The following RAP1GAP2 variants were observed in gnomAD, a reference collection of about 807,000 sequenced individuals.
RAP1GAP2 encodes RAP1 GTPase activating protein 2, also known as rap1 GTPase-activating protein 2.
RAP1GAP2 carries 27 observed loss-of-function variants against 95.0 expected under a neutral mutation model. The ratio of observed to expected loss-of-function variants is 0.28; its 90% CI spans 0.21 to 0.39. The LOEUF is 0.39. Among genes scored for constraint, RAP1GAP2 ranks in the 10% least tolerant of loss-of-function variants. RAP1GAP2 has a pLI of 1.00. For synonymous variants in RAP1GAP2, 373 were observed against 380.9 expected, an observed-to-expected ratio of 0.98 and a Z score of 0.24; for missense variants, 771 against 970.0, an observed-to-expected ratio of 0.79 and a Z score of 2.72.
Position 2,890,756 on chromosome 17 carries a change from C to T in RAP1GAP2, c.81-14528C>T, listed in dbSNP as rs1022191085. Among the ~76,000 whole-genome samples the T allele has an allele frequency of 2.0e-5, 3 of 150,408 alleles. No homozygotes were observed. The Admixed American group carries it at 2.0e-4, about 10-fold the overall frequency. On this transcript the variant is annotated intron_variant, in intron 2 of 24. Coordinates refer to ENST00000254695, the MANE Select transcript of RAP1GAP2 (RefSeq NM_015085.5). Reference sequence around the variant, plus strand: ...CTGGAGTGCAGTGGCGCAATCTTGGCTCACTGCAAGCTCCGCCTCCTGGGT... The same window carrying T: ...CTGGAGTGCAGTGGCGCAATCTTGGTTCACTGCAAGCTCCGCCTCCTGGGT...
At chr17:2,832,346 C>T (rs2070903267) in intron 2 of RAP1GAP2, among the ~76,000 whole-genome samples, 1 of 151,004 alleles carries the variant, frequency 6.6e-6, no homozygotes, top group South Asian at 2.1e-4. Context: ...ATCACGAGGT[C>T]AGGAGATCGA....
chr17:2,789,754 C>T (rs1302203251), intron 1 of RAP1GAP2, among the ~76,000 whole-genome samples: 1 of 124,424 alleles, frequency 8.0e-6, no homozygotes, highest in Non-Finnish European at 1.6e-5. Flanking sequence ...TGCACTCCAG[C>T]TTGGGCGACA....
intron 3 of RAP1GAP2, among the ~76,000 whole-genome samples, chr17:2,930,526 G>A (rs946731753): frequency 2.6e-5 from 4 of 152,234 alleles, no homozygotes; most frequent in South Asian, 2.1e-4. Context: ...AGGCTCATCC[G>A]GAGTTTCAGT....
chr17:2,879,385 G>A (rs184619793), intron 2 of RAP1GAP2, among the ~76,000 whole-genome samples: 2 of 152,052 alleles, frequency 1.3e-5, no homozygotes, highest in East Asian at 3.9e-4. Flanking sequence ...CCAAGTGTTG[G>A]GATTACAGGC....
At chr17:2,780,960 G>A (rs1273417963) in intron 1 of RAP1GAP2, among the ~76,000 whole-genome samples, 1 of 152,138 alleles carries the variant, frequency 6.6e-6, no homozygotes, top group Non-Finnish European at 1.5e-5. Context: ...TTGTGTTTCT[G>A]ATTTTCTATT....
At chr17:2,801,291 A>T (rs1229420798) in intron 2 of RAP1GAP2, among the ~76,000 whole-genome samples, 1 of 150,952 alleles carries the variant, frequency 6.6e-6, no homozygotes, top group African/African-American at 2.4e-5. Flanking sequence ...CCTGGCCAAC[A>T]TGGTGAAACC....
Position 2,828,078 on chromosome 17 carries a change from C to T in RAP1GAP2, c.80+27528C>T, listed in dbSNP as rs112727429. On this transcript the variant is annotated intron_variant, in intron 2 of 24. Coordinates refer to ENST00000254695, the MANE Select transcript of RAP1GAP2 (RefSeq NM_015085.5). ...ATCCTGGGCCGGGTGCGGTGGCTCA[C>T]GCCTGTCATCCCAACACTTTGGGAG... is the stretch of plus-strand genomic sequence containing the variant. 3.2e-3 allele frequency among the ~76,000 whole-genome samples: 483 copies of T among 152,074 alleles called. 3 individuals are homozygous for T. Among genetic ancestry groups the T allele is most frequent in the Middle Eastern group, 0.017 (5 of 292 alleles).
chr17:2,979,460 GTTTTTTTTTTTTT>G (rs71153320), intron 8 of RAP1GAP2, among the ~76,000 whole-genome samples: 1 of 78,608 alleles, frequency 1.3e-5, no homozygotes, highest in Non-Finnish European at 2.3e-5. Context: ...GGCGTGTTCT[GTTTTTTTTTTTTT>G]TTTTTTTTTT....
Position 3,004,640 on chromosome 17 carries a change from A to G in RAP1GAP2, c.1201-729A>G, listed in dbSNP as rs1350970006. ...GTCACTCTAAAGCTCAGTCTCACTC[A>G]GGGTGCCAGAGGTGCGCGCCCCACC... is the stretch of plus-strand genomic sequence containing the variant. On this transcript the variant is annotated intron_variant, in intron 14 of 24. Transcript: ENST00000254695. This position sits in a 1 kb window ranked among gnomAD's most constrained non-coding sequence, Gnocchi z 4.1. 7.2e-5 allele frequency among the ~76,000 whole-genome samples: 11 copies of G among 152,352 alleles called. No individual in the cohort carries two copies. Among genetic ancestry groups the G allele is most frequent in the Admixed American group, 6.5e-4 (10 of 15,312 alleles).
chr17:2,967,472 G>C (rs1392982633), intron 8 of RAP1GAP2, among the ~76,000 whole-genome samples: 1 of 152,190 alleles, frequency 6.6e-6, no homozygotes, highest in Non-Finnish European at 1.5e-5. Flanking sequence ...GTCCTCTTTA[G>C]GAGTGAGAGT....
rs893532085 is a variant in RAP1GAP2 at position 3,036,933 on chromosome 17, T to G, written c.*3572T>G. ...TTAAGCAGTTGGGGGTTCGAGTAGA[T>G]CTCATGGGTACAGGAGGCCAGCAGG... is the stretch of plus-strand genomic sequence containing the variant. On this transcript the variant is annotated 3_prime_UTR_variant, in exon 25 of 25. Coordinates refer to ENST00000254695, the MANE Select transcript of RAP1GAP2 (RefSeq NM_015085.5). The G allele has an allele frequency of 1.3e-5, 2 of 152,590 alleles. No individual in the cohort carries two copies. The highest frequency in any genetic ancestry group is 2.9e-5 in the Non-Finnish European group (2 of 68,136). 9.5% of individuals were successfully genotyped at this position (152,590 alleles called of 1,614,324 possible).
intron 8 of RAP1GAP2, among the ~76,000 whole-genome samples, chr17:2,978,335 G>A (rs931096371): frequency 6.6e-6 from 1 of 152,140 alleles, no homozygotes; most frequent in Admixed American, 6.6e-5. Flanking sequence ...ATAAGGATGA[G>A]GGTGGCTTGA....
chr17:2,954,101 T>C (rs938318722), intron 3 of RAP1GAP2, among the ~76,000 whole-genome samples: 1 of 152,154 alleles, frequency 6.6e-6, no homozygotes, highest in African/African-American at 2.4e-5. Context: ...TCTCTGACTT[T>C]TGTCTTTTTT....
intron 2 of RAP1GAP2, among the ~76,000 whole-genome samples, chr17:2,842,478 C>T (rs985293550): frequency 5.4e-5 from 8 of 147,496 alleles, no homozygotes; most frequent in South Asian, 2.1e-4. Flanking sequence ...TGCAGTGAGC[C>T]GAGATCGCGC....
At chr17:2,875,408 G>C (rs116542911) in intron 2 of RAP1GAP2, among the ~76,000 whole-genome samples, 301 of 152,272 alleles carry the variant, frequency 2.0e-3, no homozygotes, top group Middle Eastern at 0.014. Context: ...GGAGTGGGGT[G>C]ATATGAAGTT....
At chr17:2,776,483 C>T (rs2068501561), upstream of RAP1GAP2, among the ~76,000 whole-genome samples, 1 of 152,072 alleles carries the variant, frequency 6.6e-6, no homozygotes, top group Non-Finnish European at 1.5e-5. Context: ...GGAGGAGCCG[C>T]CTTGGGCAGC....
At chr17:2,890,664 C>T (rs2073678282) in intron 2 of RAP1GAP2, among the ~76,000 whole-genome samples, 1 of 151,038 alleles carries the variant, frequency 6.6e-6, no homozygotes, top group Non-Finnish European at 1.5e-5. Flanking sequence ...GTTTTTGGTC[C>T]AATTCAATGG....
intron 2 of RAP1GAP2, among the ~76,000 whole-genome samples, chr17:2,820,996 A>G (rs2070279826): frequency 6.6e-6 from 1 of 151,044 alleles, no homozygotes; most frequent in African/African-American, 2.4e-5. Context: ...CGGCCTCCCA[A>G]AGTGCTGGGA....
intron 2 of RAP1GAP2, among the ~76,000 whole-genome samples, chr17:2,836,118 G>A (rs937169167): frequency 2.0e-5 from 3 of 152,134 alleles, no homozygotes; most frequent in Admixed American, 1.3e-4. Context: ...CCTTCGGGGG[G>A]TGCTCCCTGT....
Sources: allele counts gnomAD v4.1 joint callset (sites outside exome capture counted in the v4.1 genomes callset), GRCh38; gene constraint gnomAD v4.1.1; non-coding constraint Gnocchi (gnomAD v3.1); transcripts MANE v1.5; gene names NCBI Gene and HGNC (gene_info 2026-07-23, HGNC 2026-07-21).